AFF2: variants seen among roughly 807,000 people sequenced by gnomAD.
AFF2 encodes ALF transcription elongation factor 2.
Under a neutral mutation model 76.9 loss-of-function variants are expected in AFF2, and 14 were observed. The observed-to-expected ratio is 0.18, with a 90% CI of 0.12 to 0.28. The LOEUF (loss-of-function observed/expected upper bound fraction) is 0.28. AFF2 is among the 10% of genes least tolerant of loss of function. AFF2 has a pLI of 1.00. For synonymous variants in AFF2, 398 were observed against 366.7 expected, an observed-to-expected ratio of 1.09 and a Z score of -0.98; for missense variants, 868 against 1,001.1, an observed-to-expected ratio of 0.87 and a Z score of 1.79.
chrX:148,699,289 C>T (rs999433806), intron 3 of AFF2, among the ~76,000 whole-genome samples: 7 of 112,167 alleles, frequency 6.2e-5, no homozygotes, highest in Admixed American at 3.8e-4. Flanking sequence ...TATGGAAGTG[C>T]GCATAGGTAT....
At chrX:148,747,765 A>C in intron 3 of AFF2, among the ~76,000 whole-genome samples, 1 of 112,030 alleles carries the variant, frequency 8.9e-6, no homozygotes, top group Non-Finnish European at 1.9e-5. Context: ...ATTCTACTAT[A>C]ATTATATGGT....
chrX:148,762,420 T>TATATATATATATATATATATATACAC (rs1225408056), intron 3 of AFF2, among the ~76,000 whole-genome samples: 12 of 101,121 alleles, frequency 1.2e-4, no homozygotes, highest in African/African-American at 5.4e-4. Flanking sequence ...TATATATATA[T>TATATATATATATATATATATATACAC]ACACATGCAC....
At chrX:148,931,712 G>T (rs1557284423) in intron 9 of AFF2, among the ~76,000 whole-genome samples, 1 of 111,619 alleles carries the variant, frequency 9.0e-6, no homozygotes, top group Non-Finnish European at 1.9e-5. Context: ...AAGGAGTGGG[G>T]TTCTCTTTCT....
rs1441754958 is a variant in AFF2 at position 148,996,834 on chromosome X, A to AT, written c.*5508dup. On this transcript the variant is annotated 3_prime_UTR_variant, in exon 21 of 21. Coordinates refer to ENST00000370460, the MANE Select transcript of AFF2 (RefSeq NM_002025.4). ...GGCACTCAGAAAACCCTCACGATTG[A>AT]TTTTTTAAAAAGATAAGTGAGTGTT... 4.5e-5 allele frequency: 5 copies of AT among 112,026 alleles called. No homozygotes were observed. Among genetic ancestry groups the AT allele is most frequent in the African/African-American group, 1.3e-4 (4 of 30,704 alleles). 9.2% of individuals were successfully genotyped at this position (112,026 alleles called of 1,213,427 possible).
intron 1 of AFF2, among the ~76,000 whole-genome samples, chrX:148,517,979 C>T (rs782532865): frequency 9.6e-4 from 100 of 104,388 alleles, no homozygotes; most frequent in African/African-American, 3.3e-3. Flanking sequence ...GCCAAGATCG[C>T]GCCACTGCAC....
intron 7 of AFF2, among the ~76,000 whole-genome samples, chrX:148,868,611 T>C (rs2124084040): frequency 8.9e-6 from 1 of 112,143 alleles, no homozygotes; most frequent in East Asian, 2.8e-4. Flanking sequence ...GGTAATACAA[T>C]AGAGATATCT....
At chrX:148,505,721 T>G (rs1325710441) in intron 1 of AFF2, among the ~76,000 whole-genome samples, 1 of 112,034 alleles carries the variant, frequency 8.9e-6, no homozygotes, top group African/African-American at 3.2e-5. Flanking sequence ...AGCTTGTAAC[T>G]GTAGGTCATA....
At chrX:148,561,033 C>T (rs949682339) in intron 1 of AFF2, among the ~76,000 whole-genome samples, 11 of 111,724 alleles carry the variant, frequency 9.8e-5, no homozygotes, top group East Asian at 2.8e-4. Context: ...GAAGTATTTG[C>T]GTTTTTTGTA....
chrX:148,931,252 T>TAA (rs1557284371), intron 9 of AFF2, among the ~76,000 whole-genome samples: 2 of 4,028 alleles, frequency 5.0e-4, no homozygotes, highest in African/African-American at 4.3e-4. Flanking sequence ...AGACTCTGTC[T>TAA]CAAAAAAAAA....
At chrX:148,967,550 C>T (rs935449308) in intron 14 of AFF2, 79 bp from the exon 15 acceptor site, 113 of 931,306 alleles carry the variant, frequency 1.2e-4, no homozygotes, top group Non-Finnish European at 1.7e-4. Context: ...AAATTTATAG[C>T]AGAAAAGGTT....
intron 3 of AFF2, among the ~76,000 whole-genome samples, chrX:148,717,176 G>A (rs1470321508): frequency 9.0e-6 from 1 of 111,503 alleles, no homozygotes; most frequent in African/African-American, 3.3e-5. Context: ...TCCATCAATG[G>A]ACAAACGAAT....
At chrX:148,517,537 TG>T (rs1758202603) in intron 1 of AFF2, among the ~76,000 whole-genome samples, 1 of 112,109 alleles carries the variant, frequency 8.9e-6, no homozygotes, top group Admixed American at 9.4e-5. Context: ...TTTCACTTGT[TG>T]TACAAGAGGC....
chrX:148,921,283 A>G (rs2124265704), intron 9 of AFF2, among the ~76,000 whole-genome samples: 1 of 112,292 alleles, frequency 8.9e-6, no homozygotes, highest in South Asian at 3.7e-4. Context: ...CACATATCAT[A>G]CAGTTCACTG....
At chrX:148,660,021 A>AT (rs781887493) in intron 2 of AFF2, among the ~76,000 whole-genome samples, 4 of 112,426 alleles carry the variant, frequency 3.6e-5, no homozygotes, top group Non-Finnish European at 7.5e-5. Context: ...GTATGATACA[A>AT]TATATGATTG....
intron 1 of AFF2, among the ~76,000 whole-genome samples, chrX:148,595,150 A>G (rs1279998418): frequency 8.9e-6 from 1 of 112,374 alleles, no homozygotes; most frequent in Non-Finnish European, 1.9e-5. Context: ...TTGAAACTCA[A>G]AGACAATCCT....
Position 148,928,223 on chromosome X carries a change from C to A in AFF2, c.1397+23965C>A, listed in dbSNP as rs781846064. 6.2e-5 allele frequency among the ~76,000 whole-genome samples: 7 copies of A among 112,197 alleles called. No homozygotes were observed. In the South Asian group the frequency reaches 2.6e-3, roughly 42 times the overall value. ...ACAAAAGGGCCATAAAAGTCACAAG[C>A]AGTTTGTGTGAAGCAAGGTTCATAA... is the stretch of plus-strand genomic sequence containing the variant. On this transcript the variant is annotated intron_variant, in intron 9 of 20. Transcript: ENST00000370460.
intron 1 of AFF2, among the ~76,000 whole-genome samples, chrX:148,651,547 C>T (rs887916510): frequency 7.2e-5 from 8 of 111,787 alleles, no homozygotes; most frequent in Admixed American, 1.9e-4. Context: ...GCTATGGGCT[C>T]AGGACAGAAA....
At chrX:148,667,829 A>G in intron 3 of AFF2, among the ~76,000 whole-genome samples, 1 of 111,644 alleles carries the variant, frequency 9.0e-6, no homozygotes, top group Non-Finnish European at 1.9e-5. Flanking sequence ...AAACCATATT[A>G]ATCCACCCCC....
At chrX:148,533,289 T>C (rs1482481114) in intron 1 of AFF2, among the ~76,000 whole-genome samples, 2 of 111,387 alleles carry the variant, frequency 1.8e-5, no homozygotes, top group African/African-American at 3.3e-5. Context: ...TGTGTTAACC[T>C]TTGATTATTA....
Sources: gnomAD v4.1 joint callset for allele counts (sites outside exome capture counted in the v4.1 genomes callset) on GRCh38, gnomAD v4.1.1 for gene constraint, MANE v1.5 for transcripts, NCBI Gene and HGNC (gene_info 2026-07-23, HGNC 2026-07-21) for gene names.